The following FLNA variants were observed in gnomAD, a reference collection of about 807,000 sequenced individuals.
FLNA encodes the protein filamin A, also known as filamin-A.
FLNA carries 7 observed loss-of-function variants against 157.6 expected under a neutral mutation model. The ratio of observed to expected loss-of-function variants is 0.04; its 90% CI spans 0.03 to 0.08. FLNA has a LOEUF of 0.08. Among genes scored for constraint, FLNA ranks in the 10% least tolerant of loss-of-function variants. FLNA has a pLI of 1.00. For synonymous variants in FLNA, 1,103 were observed against 1,060.8 expected (o/e 1.04, Z -0.77); for missense variants, 1,750 against 2,398.4 (o/e 0.73, Z 5.65).
chrX:154,358,139 G>T, intron 28 of FLNA, 60 bp downstream of exon 28: 2 of 1,156,713 alleles, frequency 1.7e-6, no homozygotes, highest in Middle Eastern at 6.3e-4. Context: ...CCAGCCACCC[G>T]CAGCCCACAC....
In FLNA at chrX:154,370,815, T is replaced by C. The variant is rs2067800555; in HGVS notation, c.373+58A>G. On this transcript the variant is annotated intron_variant, in intron 2 of 47. Coordinates refer to ENST00000369850, the MANE Select transcript of FLNA (RefSeq NM_001110556.2). ...GTTTGGAGGGGTCCGCCCGGGGAGA[T>C]GGAAGGACGCACGGAGTCCCCGCCC... The C allele has an allele frequency of 9.4e-6, 11 of 1,170,907 alleles. No homozygotes were observed. The East Asian group carries it at 3.4e-4, about 36-fold the overall frequency.
intron 2 of FLNA, among the ~76,000 whole-genome samples, chrX:154,368,686 C>A (rs979429510): frequency 8.9e-6 from 1 of 112,932 alleles, no homozygotes; most frequent in Admixed American, 9.3e-5. Flanking sequence ...CCCGCCACCA[C>A]CCCCACTTCC....
In FLNA at chrX:154,354,906, G is replaced by A; in HGVS notation, c.5136C>T (p.Tyr1712=). Reference sequence around the variant, plus strand: ...CGTATTTGCCCGGCTGGGGGGCCGTGTAGAAGATGTCGAAAGTGCCGTCCT... The same window carrying A: ...CGTATTTGCCCGGCTGGGGGGCCGTATAGAAGATGTCGAAAGTGCCGTCCT... ...ENEDGTFDIF[Y]TAPQPGKYVI... The change falls in exon 31 of 48, where the codon TAC becomes TAT. Residue 1712 remains tyrosine (Y), a synonymous_variant. Coordinates refer to ENST00000369850, the MANE Select transcript of FLNA (RefSeq NM_001110556.2). 1.7e-6 allele frequency: 2 copies of A among 1,212,055 alleles called. No homozygotes were observed. The highest frequency in any genetic ancestry group is 5.9e-5 in the East Asian group (2 of 33,848).
chrX:154,352,492 C>A, intron 40 of FLNA, 45 bp from the exon 41 acceptor site: 1 of 1,211,475 alleles, frequency 8.3e-7, no homozygotes, highest in East Asian at 3.0e-5. Context: ...CTGGGCTCCA[C>A]CCCTCCTCTT....
Position 154,349,541 on chromosome X carries a change from C to T in FLNA, c.7577G>A (p.Ser2526Asn), listed in dbSNP as rs1485769153. 1.4e-5 allele frequency: 17 copies of T among 1,211,495 alleles called. No homozygotes were observed. The Middle Eastern group carries it at 6.9e-4, about 49-fold the overall frequency. Residue 2526 changes from serine (S) to asparagine (N), a missense_variant, in exon 47 of 48, where the codon AGC becomes AAC. By Grantham distance (46) the Ser-to-Asn change is conservative. Coordinates refer to ENST00000369850, the MANE Select transcript of FLNA (RefSeq NM_001110556.2). ...AAACACTGATGATGTCTCGTGGAGG[C>T]TGTGGTTGCTGACGAGACGGGGGCC... is the stretch of plus-strand genomic sequence containing the variant. ...VTGPRLVSNHSLHETSSVFVD... is the reference protein window; with the variant it reads ...VTGPRLVSNHNLHETSSVFVD...
At position 154,350,990 on chromosome X, in the gene FLNA, C is replaced by T. The variant is rs1320830280; in HGVS notation, c.7075G>A (p.Gly2359Arg). 1.7e-6 allele frequency: 2 copies of T among 1,209,932 alleles called. No homozygotes were observed. The highest frequency in any genetic ancestry group is 2.2e-6 in the Non-Finnish European group (2 of 894,745). Residue 2359 changes from glycine (G) to arginine (R), a missense_variant, in exon 44 of 48, where the codon GGG becomes AGG. Physicochemically the swap from Gly to Arg is moderately radical, Grantham distance 125 (BLOSUM62 -2). This residue lies in a region of FLNA where 970 missense variants were observed against 1,302.6 expected (regional missense o/e 0.74). Coordinates refer to ENST00000369850, the MANE Select transcript of FLNA (RefSeq NM_001110556.2). ...QPASFAVSLN[G>R]AKGAIDAKVH... is the part of the protein sequence containing the mutation. ...TTGGCATCGATCGCCCCCTTGGCCC[C>T]GTTCAGGCTGACTGCAAAAGAGGCT...
chrX:154,366,946 C>A, intron 5 of FLNA, 96 bp from the exon 6 acceptor site: 1 of 702,259 alleles, frequency 1.4e-6, no homozygotes, highest in Non-Finnish European at 2.3e-6. Context: ...CTAAGTCAGG[C>A]ACATTCCAAA....
At position 154,354,648 on chromosome X, in the gene FLNA, A is replaced by G. The variant is rs1293701269; in HGVS notation, c.5281T>C (p.Tyr1761His). 8.3e-7 allele frequency: 1 copy of G among 1,206,490 alleles called. No individual in the cohort carries two copies. The highest frequency in any genetic ancestry group is 1.7e-5 in the African/African-American group (1 of 57,862). The change falls in exon 32 of 48, where the codon TAC becomes CAC. Residue 1761 changes from tyrosine (Y) to histidine (H), a missense_variant. Transcript: ENST00000369850. ...PLRSQQLAPQ[Y>H]TYAQGGQQTW... ...TGCTGGCCGCCCTGGGCGTAGGTGTACTGTGGGGCCAGCTGCTGAGACCGT... is the reference window on the plus strand; with the variant it reads ...TGCTGGCCGCCCTGGGCGTAGGTGTGCTGTGGGGCCAGCTGCTGAGACCGT...
chrX:154,353,746 G>A lies in FLNA; in HGVS notation c.5687-19C>T, dbSNP rs2067640758. On this transcript the variant is annotated intron_variant, in intron 35 of 47. Coordinates refer to ENST00000369850, the MANE Select transcript of FLNA (RefSeq NM_001110556.2). ...AGGCCCCCTGGAGAGAGCCGTGGGT[G>A]AGCATGGGAACTATGCTGGGGACAC... 3 of 1,204,062 alleles carry A rather than the reference G, an allele frequency of 2.5e-6. No homozygotes were observed. The highest frequency in any genetic ancestry group is 3.4e-6 in the Non-Finnish European group (3 of 891,422).
chrX:154,361,955 G>T, intron 19 of FLNA, 24 bp downstream of exon 19: 1 of 1,206,631 alleles, frequency 8.3e-7, no homozygotes, highest in South Asian at 1.8e-5. Flanking sequence ...GGGACTCGGT[G>T]ACTGTAGTGG....
chrX:154,351,796 G>C (rs2067621925), intron 42 of FLNA, 88 bp downstream of exon 42: 3 of 1,156,534 alleles, frequency 2.6e-6, no homozygotes, highest in Non-Finnish European at 1.2e-6. Flanking sequence ...TGAAGAGTGA[G>C]TGCCAGGCAG....
At chrX:154,361,216 A>C in intron 21 of FLNA, 92 bp downstream of exon 21, 1 of 733,290 alleles carries the variant, frequency 1.4e-6, no homozygotes, top group East Asian at 3.4e-5. Context: ...AAAAAAAAGG[A>C]TTTAGGGCAG....
At chrX:154,372,098 G>C (rs1241080324) in intron 1 of FLNA, among the ~76,000 whole-genome samples, 4 of 113,502 alleles carry the variant, frequency 3.5e-5, no homozygotes, top group African/African-American at 1.3e-4. Flanking sequence ...CTCCACCCGG[G>C]AGGATATGGG....
rs2148113449 is a variant in FLNA at position 154,361,377 on chromosome X, G to A, written c.3138C>T (p.Thr1046=). 5.8e-6 allele frequency: 7 copies of A among 1,210,442 alleles called. No homozygotes were observed. Among genetic ancestry groups the A allele is most frequent in the Non-Finnish European group, 5.6e-6 (5 of 895,178 alleles). The change falls in exon 21 of 48, where the codon ACC becomes ACT. Residue 1046 remains threonine, a synonymous_variant. Transcript: ENST00000369850. The part of the protein sequence containing the change: ...REEGPYEVEV[T]YDGVPVPGSP... ...TGCCAGGCACGGGCACGCCGTCATAGGTCACCTCCACCTCATAGGGCCCTT... is the reference window on the plus strand; with the variant it reads ...TGCCAGGCACGGGCACGCCGTCATAAGTCACCTCCACCTCATAGGGCCCTT...
chrX:154,349,487 G>T lies in FLNA; in HGVS notation c.7631C>A (p.Ala2544Asp). The T allele has an allele frequency of 2.5e-6, 3 of 1,212,059 alleles. No homozygotes were observed. Among genetic ancestry groups the T allele is most frequent in the Non-Finnish European group, 3.4e-6 (3 of 895,388 alleles). Residue 2544 changes from alanine (A) to aspartate (D), a missense_variant, in exon 47 of 48, where the codon GCC (alanine) becomes GAC (aspartate). Ala to Asp is a moderately radical substitution (Grantham distance 126). Transcript: ENST00000369850. ...AGGACCCGGGGCCCCATGCTGGGGGGCACAGGTGGCCTTGGTCAGAGAGTC... is the reference window on the plus strand; with the variant it reads ...AGGACCCGGGGCCCCATGCTGGGGGTCACAGGTGGCCTTGGTCAGAGAGTC... ...FVDSLTKATC[A>D]PQHGAPGPGP...
chrX:154,353,495 C>T lies in FLNA; in HGVS notation c.5861-38G>A, dbSNP rs781800669. 2.3e-5 allele frequency: 28 copies of T among 1,209,247 alleles called. No homozygotes were observed. In the South Asian group the frequency reaches 4.0e-4, roughly 17 times the overall value. On this transcript the variant is annotated intron_variant, in intron 36 of 47. Coordinates refer to ENST00000369850, the MANE Select transcript of FLNA (RefSeq NM_001110556.2). ...GGCCAGCCATCAGTGTGCGTCCAGC[C>T]ATGGGAGACCATGCCCACCCTGCCA... is the stretch of plus-strand genomic sequence containing the variant.
intron 47 of FLNA, 86 bp downstream of exon 47, chrX:154,349,276 G>A (rs1466804798): frequency 8.4e-5 from 85 of 1,009,351 alleles, no homozygotes; most frequent in Non-Finnish European, 1.1e-4. Flanking sequence ...CCCCAAAGGC[G>A]GTCCCTGCTC....
chrX:154,358,930 C>T (rs782161385), intron 26 of FLNA, 54 bp downstream of exon 26: 180 of 1,184,600 alleles, frequency 1.5e-4, no homozygotes, highest in Non-Finnish European at 2.0e-4. Flanking sequence ...TTTCCCGGCC[C>T]TCAAACAGGA....
Position 154,350,115 on chromosome X carries a change from T to G in FLNA, c.7249A>C (p.Lys2417Gln). ...TGCCCAGGCTCCCCAACTCGGATCTTGAAGGGGCTTCCAGGGATGTGGGTG... is the reference window on the plus strand; with the variant it reads ...TGCCCAGGCTCCCCAACTCGGATCTGGAAGGGGCTTCCAGGGATGTGGGTG... ...NGTHIPGSPFKIRVGEPGHGG... is the reference protein window; with the variant it reads ...NGTHIPGSPFQIRVGEPGHGG... The change falls in exon 45 of 48, where the codon AAG becomes CAG. Residue 2417 changes from lysine (K) to glutamine (Q), a missense_variant. By Grantham distance (53) the Lys-to-Gln change is moderately conservative. Around this residue, in one of 5 missense-constraint regions of FLNA, gnomAD observed 970 missense variants for 1,302.6 expected, o/e 0.74. Transcript: ENST00000369850. 8.3e-7 allele frequency: 1 copy of G among 1,211,507 alleles called. No individual in the cohort carries two copies. Among genetic ancestry groups the G allele is most frequent in the African/African-American group, 1.7e-5 (1 of 57,932 alleles).
Sources: gnomAD v4.1 joint callset for allele counts (sites outside exome capture counted in the v4.1 genomes callset) on GRCh38, gnomAD v4.1.1 for gene constraint, gnomAD v4.1.1 regional missense constraint, MANE v1.5 for transcripts, NCBI Gene and HGNC (gene_info 2026-07-23, HGNC 2026-07-21) for gene names.